ARHGAP8: variants seen among roughly 807,000 people sequenced by gnomAD.
ARHGAP8 encodes the protein rho GTPase-activating protein 8.
In ARHGAP8, 62 loss-of-function variants were observed where a neutral mutation model predicts 46.1. That is an observed-to-expected ratio of 1.34 (90% CI 1.10 to 1.66). ARHGAP8 has a LOEUF of 1.66. ARHGAP8 is among the 40% of genes most tolerant of loss of function. The probability of loss-of-function intolerance (pLI) is 0.00; values close to 1 mark genes in which losing one functional copy is unlikely to be tolerated. For synonymous variants in ARHGAP8, 375 were observed against 243.1 expected (o/e 1.54, Z -5.05); for missense variants, 923 against 568.4 (o/e 1.62, Z -6.34).
At chr22:44,793,421 A>G (rs1395604324) in intron 2 of ARHGAP8, among the ~76,000 whole-genome samples, 1 of 152,136 alleles carries the variant, frequency 6.6e-6, no homozygotes, top group East Asian at 1.9e-4. Context: ...CTGGGTTCGG[A>G]TCTTTTGGCA....
At chr22:44,778,624 G>C (rs1926594702) in intron 1 of ARHGAP8, among the ~76,000 whole-genome samples, 1 of 152,126 alleles carries the variant, frequency 6.6e-6, no homozygotes, top group African/African-American at 2.4e-5. Context: ...TAGTGGTTGT[G>C]CTAGTTTATA....
At chr22:44,860,588 A>C (rs1364125653) in intron 11 of ARHGAP8, among the ~76,000 whole-genome samples, 4 of 151,930 alleles carry the variant, frequency 2.6e-5, no homozygotes, top group Admixed American at 6.6e-5. Context: ...AAATAAGGTC[A>C]CAGTCAGATT....
rs117749664 is a variant in ARHGAP8 at position 44,825,518 on chromosome 22, G to A, written c.521G>A (p.Arg174Gln). Residue 174 changes from arginine to glutamine, a missense_variant, in exon 7 of 12, where the codon CGG (arginine) becomes CAG (glutamine). Transcript: ENST00000356099. ...DEKLQSLHEG[R>Q]TPPPTKTPPP... ...AAGCTCCAGAGCCTGCACGAGGGCCGGACGCCGCCTCCCACCAAGACACCA... is the reference window on the plus strand; with the variant it reads ...AAGCTCCAGAGCCTGCACGAGGGCCAGACGCCGCCTCCCACCAAGACACCA... The A allele has an allele frequency of 3.4e-4, 552 of 1,613,222 alleles. 3 individuals are homozygous for A. In the East Asian group the frequency reaches 0.011, roughly 33 times the overall value.
chr22:44,790,370 A>G lies in ARHGAP8; in HGVS notation c.79+3764A>G, dbSNP rs200157285. ...CCAGGGGTGTAAAGGAAGAGTTTAAATTAAGAGAAGAGGTGGCCAGGCCAC... is the reference window on the plus strand; with the variant it reads ...CCAGGGGTGTAAAGGAAGAGTTTAAGTTAAGAGAAGAGGTGGCCAGGCCAC... On this transcript the variant is annotated intron_variant, in intron 2 of 11. Coordinates refer to ENST00000356099, the MANE Select transcript of ARHGAP8 (RefSeq NM_181335.3). Among the ~76,000 whole-genome samples, 200 of 39,218 alleles carry G rather than the reference A, an allele frequency of 5.1e-3. 3 individuals carry two copies. The East Asian group carries it at 0.054, about 11-fold the overall frequency. The allele number at this position is 39,218 out of a possible 152,430, so 25.7% of individuals were successfully genotyped here.
In ARHGAP8 at chr22:44,842,354, C is replaced by T. The variant is rs552497417; in HGVS notation, c.597-2915C>T. 4.0e-5 allele frequency among the ~76,000 whole-genome samples: 6 copies of T among 151,670 alleles called. No homozygotes were observed. The South Asian group carries it at 1.2e-3, about 32-fold the overall frequency. On this transcript the variant is annotated intron_variant, in intron 7 of 11. Coordinates refer to ENST00000356099, the MANE Select transcript of ARHGAP8 (RefSeq NM_181335.3). ...CCTGGGGGACAGAGCGAGACTCCATCTCAAAACAAACAAACAAACAAACAA... is the reference window on the plus strand; with the variant it reads ...CCTGGGGGACAGAGCGAGACTCCATTTCAAAACAAACAAACAAACAAACAA...
Position 44,808,382 on chromosome 22 carries a change from C to T in ARHGAP8, c.243C>T (p.Ser81=), listed in dbSNP as rs1436124538. 1 of 1,614,230 alleles carries T rather than the reference C, an allele frequency of 6.2e-7. No homozygotes were observed. Among genetic ancestry groups the T allele is most frequent in the South Asian group, 1.1e-5 (1 of 91,086 alleles). ...TCTATTTCCACTACGGGCTGAACAG[C>T]CGGAACAAGCCTTCCCTGGGCTGGC... ...TIVYFHYGLN[S]RNKPSLGWLQ... is the part of the protein sequence containing the mutation. Residue 81 remains serine, a synonymous_variant, in exon 4 of 12, where the codon AGC becomes AGT. Coordinates refer to ENST00000356099, the MANE Select transcript of ARHGAP8 (RefSeq NM_181335.3).
chr22:44,828,012 T>G (rs146500430), intron 7 of ARHGAP8, among the ~76,000 whole-genome samples: 1 of 152,314 alleles, frequency 6.6e-6, no homozygotes, highest in African/African-American at 2.4e-5. Flanking sequence ...GAATTGCTAA[T>G]TTTATTTCAT....
At chr22:44,857,762 G>C (rs755169846) in intron 10 of ARHGAP8, among the ~76,000 whole-genome samples, 1 of 152,142 alleles carries the variant, frequency 6.6e-6, no homozygotes, top group African/African-American at 2.4e-5. Context: ...CCACATGCAA[G>C]CTGTGTGACC....
At chr22:44,821,848 C>G (rs1203350843) in intron 5 of ARHGAP8, among the ~76,000 whole-genome samples, 1 of 152,232 alleles carries the variant, frequency 6.6e-6, no homozygotes, top group Non-Finnish European at 1.5e-5. Flanking sequence ...TGTGGCTGCG[C>G]TGCTCCCTGG....
At chr22:44,765,972 A>G (rs1480346886) in intron 1 of ARHGAP8, 1 of 152,284 alleles carries the variant, frequency 6.6e-6, no homozygotes, top group Non-Finnish European at 1.5e-5. Flanking sequence ...CGCAGGGAGG[A>G]CTGGGAAGAG....
intron 1 of ARHGAP8, among the ~76,000 whole-genome samples, chr22:44,772,187 C>T (rs1209305206): frequency 1.8e-5 from 1 of 54,846 alleles, no homozygotes; most frequent in African/African-American, 6.2e-5. Context: ...TTCTGTTTTA[C>T]TATGTTTTTA....
intron 1 of ARHGAP8, among the ~76,000 whole-genome samples, chr22:44,776,953 T>C (rs752382570): frequency 7.2e-5 from 11 of 151,924 alleles, no homozygotes; most frequent in Non-Finnish European, 1.5e-4. Context: ...TTGGGACATG[T>C]CCCAAGCACC....
intron 8 of ARHGAP8, 81 bp downstream of exon 8, chr22:44,845,423 C>A: frequency 1.3e-6 from 2 of 1,585,104 alleles, no homozygotes; most frequent in Non-Finnish European, 1.7e-6. Context: ...GGATCCTGAG[C>A]ACCCACAAGC....
chr22:44,792,305 C>T (rs371123273), intron 2 of ARHGAP8, among the ~76,000 whole-genome samples: 8 of 152,108 alleles, frequency 5.3e-5, no homozygotes, highest in South Asian at 2.1e-4. Flanking sequence ...CCACTGCACC[C>T]GGCCTCCAGT....
rs141892208 is a variant in ARHGAP8 at position 44,819,682 on chromosome 22, G to GA, written c.387-2680dup. ...GAGCGAAACTCCACCTCAGAAAAAA[G>GA]AAAAAAAAATCTTTTAAAACTACCC... On this transcript the variant is annotated intron_variant, in intron 5 of 11. Coordinates refer to ENST00000356099, the MANE Select transcript of ARHGAP8 (RefSeq NM_181335.3). 9.3e-5 allele frequency among the ~76,000 whole-genome samples: 14 copies of GA among 150,966 alleles called. 1 individual carries two copies. Among genetic ancestry groups the GA allele is most frequent in the South Asian group, 6.3e-4 (3 of 4,788 alleles).
At position 44,862,286 on chromosome 22, in the gene ARHGAP8, G is replaced by A. The variant is rs1403177790; in HGVS notation, c.993G>A (p.Glu331=). ...GTGGTTTCCTCCAGGTGTCCCGGGAGAGCATCTTCAACAAAATGAACAGCT... is the reference window on the plus strand; with the variant it reads ...GTGGTTTCCTCCAGGTGTCCCGGGAAAGCATCTTCAACAAAATGAACAGCT... The part of the protein sequence containing the change: ...LMGFLHAVSR[E]SIFNKMNSSN... The change falls in exon 12 of 12, where the codon GAG becomes GAA. Residue 331 remains glutamate, a synonymous_variant. Coordinates refer to ENST00000356099, the MANE Select transcript of ARHGAP8 (RefSeq NM_181335.3). 1.3e-6 allele frequency: 2 copies of A among 1,593,880 alleles called. No homozygotes were observed. Among genetic ancestry groups the A allele is most frequent in the East Asian group, 2.3e-5 (1 of 44,380 alleles).
intron 7 of ARHGAP8, among the ~76,000 whole-genome samples, chr22:44,837,961 A>G (rs1931398986): frequency 6.6e-6 from 1 of 151,910 alleles, no homozygotes; most frequent in African/African-American, 2.4e-5. Flanking sequence ...TCCTGCTCTG[A>G]GAGTCTTTTA....
At chr22:44,783,309 G>A (rs1334252785) in intron 1 of ARHGAP8, among the ~76,000 whole-genome samples, 2 of 150,514 alleles carry the variant, frequency 1.3e-5, no homozygotes, top group Non-Finnish European at 3.0e-5. Context: ...CCCCACCCCC[G>A]CAGCGGTCCA....
chr22:44,849,252 G>A (rs1205709062), intron 10 of ARHGAP8, 192 bp downstream of exon 10: 5 of 1,090,220 alleles, frequency 4.6e-6, no homozygotes, highest in Non-Finnish European at 6.4e-6. Flanking sequence ...AGTCCACACT[G>A]TCCAAAGGCA....
Sources: gnomAD v4.1 joint callset for allele counts (sites outside exome capture counted in the v4.1 genomes callset) on GRCh38, gnomAD v4.1.1 for gene constraint, MANE v1.5 for transcripts, NCBI Gene and HGNC (gene_info 2026-07-23, HGNC 2026-07-21) for gene names.